KATNIP: variants seen among roughly 807,000 people sequenced by gnomAD.
The protein encoded by KATNIP is katanin interacting protein.
A neutral mutation model predicts 174.0 loss-of-function variants in KATNIP; 126 were observed. The ratio of observed to expected loss-of-function variants is 0.72; its 90% CI spans 0.63 to 0.84. The LOEUF (loss-of-function observed/expected upper bound fraction) is 0.84. Ranked by LOEUF, KATNIP falls within the 40% of genes least tolerant of loss-of-function variation. The probability of loss-of-function intolerance (pLI) is 0.00; values close to 1 mark genes in which losing one functional copy is unlikely to be tolerated. For missense variants in KATNIP, 1,958 were observed against 2,109.7 expected, an observed-to-expected ratio of 0.93 and a Z score of 1.41; for synonymous variants, 810 against 835.7, an observed-to-expected ratio of 0.97 and a Z score of 0.53.
At position 27,656,502 on chromosome 16, in the gene KATNIP, A is replaced by G. The variant is rs140107565; in HGVS notation, c.540+7767A>G. On this transcript the variant is annotated intron_variant, in intron 6 of 27. Coordinates refer to ENST00000261588, the MANE Select transcript of KATNIP (RefSeq NM_015202.5). ...GCACTGTTTCAGATTAAAGGAGAGTAAAGAAATAACACAATAGCAAAGACT... is the reference window on the plus strand; with the variant it reads ...GCACTGTTTCAGATTAAAGGAGAGTGAAGAAATAACACAATAGCAAAGACT... 2.5e-3 allele frequency among the ~76,000 whole-genome samples: 374 copies of G among 152,048 alleles called. 4 individuals carry two copies. The highest frequency in any genetic ancestry group is 8.2e-3 in the African/African-American group (338 of 41,472).
intron 6 of KATNIP, among the ~76,000 whole-genome samples, chr16:27,655,228 A>G (rs1036708013): frequency 1.6e-5 from 1 of 63,750 alleles, no homozygotes; most frequent in Non-Finnish European, 3.1e-5. Context: ...ATATATATAT[A>G]TTTTGTTTGT....
chr16:27,596,671 C>T (rs1198090078), intron 2 of KATNIP, among the ~76,000 whole-genome samples: 1 of 152,174 alleles, frequency 6.6e-6, no homozygotes, highest in East Asian at 1.9e-4. Flanking sequence ...GCATTACTTG[C>T]CCGAGCCCAG....
intron 6 of KATNIP, among the ~76,000 whole-genome samples, chr16:27,662,049 C>CATGTATAT (rs1555467468): frequency 1.2e-4 from 1 of 8,638 alleles, no homozygotes; most frequent in Non-Finnish European, 2.1e-4. Flanking sequence ...TATACACATA[C>CATGTATAT]ATATATATAT....
intron 1 of KATNIP, among the ~76,000 whole-genome samples, chr16:27,570,142 G>T (rs989956233): frequency 6.6e-6 from 1 of 152,102 alleles, no homozygotes; most frequent in African/African-American, 2.4e-5. Flanking sequence ...TGCAGAGTTC[G>T]GTTAATAAGA....
chr16:27,637,178 G>C lies in KATNIP; in HGVS notation c.408+6016G>C, dbSNP rs1023370044. Among the ~76,000 whole-genome samples the C allele has an allele frequency of 6.6e-6, 1 of 152,212 alleles. No individual in the cohort carries two copies. Among genetic ancestry groups the C allele is most frequent in the African/African-American group, 2.4e-5 (1 of 41,462 alleles). ...ATAGTGAATGGTGCTGCCTGTTGTT[G>C]TTTTAATCACAGAGGGGCAGATGGG... On this transcript the variant is annotated intron_variant, in intron 5 of 27. Coordinates refer to ENST00000261588, the MANE Select transcript of KATNIP (RefSeq NM_015202.5). This position sits in a 1 kb window ranked among gnomAD's most constrained non-coding sequence, Gnocchi z 4.7.
chr16:27,554,238 C>CG (rs2089515889), intron 1 of KATNIP, among the ~76,000 whole-genome samples: 2 of 152,142 alleles, frequency 1.3e-5, no homozygotes, highest in East Asian at 3.9e-4. Flanking sequence ...CCAAGGTGGG[C>CG]GATCACCTGA....
At chr16:27,713,850 A>G (rs113871960) in intron 13 of KATNIP, among the ~76,000 whole-genome samples, 17 of 74,454 alleles carry the variant, frequency 2.3e-4, no homozygotes, top group Admixed American at 4.9e-4. Flanking sequence ...ATATATATAT[A>G]TATATATCTA....
rs151229291 is a variant in KATNIP, at chr16:27,773,934, A to G, written c.4309+725A>G. Among the ~76,000 whole-genome samples, 51 of 152,226 alleles carry G rather than the reference A, an allele frequency of 3.4e-4. No individual in the cohort carries two copies. In the East Asian group the frequency reaches 9.5e-3, roughly 28 times the overall value. On this transcript the variant is annotated intron_variant, in intron 23 of 27. Coordinates refer to ENST00000261588, the MANE Select transcript of KATNIP (RefSeq NM_015202.5). ...GCCCTCACAACAATCTTGTGAGGTG[A>G]TTGCTGCTGTTATCCCCATTTTACA... is the stretch of plus-strand genomic sequence containing the variant.
intron 8 of KATNIP, among the ~76,000 whole-genome samples, chr16:27,690,189 C>A (rs1270683617): frequency 1.3e-5 from 2 of 152,006 alleles, no homozygotes; most frequent in Non-Finnish European, 2.9e-5. Context: ...GTGGTGCATG[C>A]CTGTGGTCCC....
intron 14 of KATNIP, among the ~76,000 whole-genome samples, chr16:27,728,349 A>C (rs1021010952): frequency 6.6e-6 from 1 of 152,252 alleles, no homozygotes. Flanking sequence ...CACGGTAGCC[A>C]TGAGAGTTCC....
intron 2 of KATNIP, among the ~76,000 whole-genome samples, chr16:27,577,416 G>T (rs573443436): frequency 1.3e-5 from 2 of 152,300 alleles, no homozygotes; most frequent in South Asian, 4.2e-4. Context: ...GTGAGGCCAG[G>T]CATGGTGGCT....
At position 27,677,731 on chromosome 16, in the gene KATNIP, G is replaced by C; in HGVS notation, c.543G>C (p.Glu181Asp). ...TCTCTCTTCTGGGCTTTTTGCAGGA[G>C]CTGAGAAGAAGCCTGGAACTTAGTG... ...ANNTSEDRPQ[E>D]LRRSLELSVN... Residue 181 changes from glutamate (E) to aspartate (D), a missense_variant and splice_region_variant, in exon 7 of 28, where the codon GAG becomes GAC. This residue lies in a region of KATNIP where 1,557 missense variants were observed against 1,617.8 expected (regional missense o/e 0.96). Coordinates refer to ENST00000261588, the MANE Select transcript of KATNIP (RefSeq NM_015202.5). 6.2e-7 allele frequency: 1 copy of C among 1,601,080 alleles called. No homozygotes were observed. The highest frequency in any genetic ancestry group is 1.1e-5 in the South Asian group (1 of 90,606).
intron 3 of KATNIP, among the ~76,000 whole-genome samples, chr16:27,620,251 A>G (rs2076154558): frequency 1.3e-5 from 2 of 152,242 alleles, no homozygotes. Flanking sequence ...TAGAAGGTAG[A>G]GCTGGAAAGA....
chr16:27,681,741 C>A (rs1442201090), intron 8 of KATNIP, among the ~76,000 whole-genome samples: 1 of 152,218 alleles, frequency 6.6e-6, no homozygotes, highest in Non-Finnish European at 1.5e-5. Flanking sequence ...GGAATTGGCT[C>A]ATGCAGTTGT....
At chr16:27,606,509 A>G (rs1204847518) in intron 2 of KATNIP, among the ~76,000 whole-genome samples, 1 of 151,548 alleles carries the variant, frequency 6.6e-6, no homozygotes, top group African/African-American at 2.4e-5. Flanking sequence ...AGACACACAC[A>G]CACATACACA....
Position 27,637,817 on chromosome 16 carries a change from G to C in KATNIP, c.408+6655G>C, listed in dbSNP as rs1003287444. Among the ~76,000 whole-genome samples, 3 of 152,218 alleles carry C rather than the reference G, an allele frequency of 2.0e-5. No individual in the cohort carries two copies. The highest frequency in any genetic ancestry group is 7.2e-5 in the African/African-American group (3 of 41,446). ...GAGAATTTCCAAGAGGGTTGAAACA[G>C]TAGAGCGCCACGTTTGGGTTCATAT... On this transcript the variant is annotated intron_variant, in intron 5 of 27. Coordinates refer to ENST00000261588, the MANE Select transcript of KATNIP (RefSeq NM_015202.5). This position sits in a 1 kb window ranked among gnomAD's most constrained non-coding sequence, Gnocchi z 4.7.
At chr16:27,556,162 G>A (rs1014090763) in intron 1 of KATNIP, among the ~76,000 whole-genome samples, 5 of 151,850 alleles carry the variant, frequency 3.3e-5, no homozygotes, top group Non-Finnish European at 5.9e-5. Context: ...AGTAGCTGTT[G>A]TTATCATTAT....
chr16:27,597,812 A>T (rs2075387949), intron 2 of KATNIP, among the ~76,000 whole-genome samples: 1 of 152,164 alleles, frequency 6.6e-6, no homozygotes, highest in South Asian at 2.1e-4. Flanking sequence ...CAGGTTTTGA[A>T]TGAAGAAAGC....
At position 27,629,880 on chromosome 16, in the gene KATNIP, G is replaced by A. The variant is rs150151144; in HGVS notation, c.310+1050G>A. On this transcript the variant is annotated intron_variant, in intron 4 of 27. Transcript: ENST00000261588. Reference sequence around the variant, plus strand: ...AATACAAAAGTAGCTGGGCATGGTGGTGCATGCCTGTAGTCTCACCTACTC... The same window carrying A: ...AATACAAAAGTAGCTGGGCATGGTGATGCATGCCTGTAGTCTCACCTACTC... Among the ~76,000 whole-genome samples the A allele has an allele frequency of 4.4e-3, 669 of 152,272 alleles. 2 individuals carry two copies. Among genetic ancestry groups the A allele is most frequent in the Non-Finnish European group, 7.0e-3 (473 of 68,024 alleles).
Sources: gnomAD v4.1 joint callset for allele counts (sites outside exome capture counted in the v4.1 genomes callset) on GRCh38, gnomAD v4.1.1 for gene constraint, gnomAD v4.1.1 regional missense constraint, Gnocchi (gnomAD v3.1) non-coding constraint, MANE v1.5 for transcripts, NCBI Gene and HGNC (gene_info 2026-07-23, HGNC 2026-07-21) for gene names.